Variants in WDR44 observed in about 807,000 individuals in gnomAD.
The protein encoded by WDR44 is WD repeat-containing protein 44.
WDR44 carries 9 observed loss-of-function variants against 65.7 expected under a neutral mutation model. That is an observed-to-expected ratio of 0.14 (90% CI 0.08 to 0.24). The LOEUF (loss-of-function observed/expected upper bound fraction) is 0.24, where lower values mean the gene tolerates loss of function less well. Ranked by LOEUF, WDR44 falls within the 10% of genes least tolerant of loss-of-function variation. The pLI is 1.00. For synonymous variants in WDR44, 220 were observed against 235.2 expected (o/e 0.94, Z 0.59); for missense variants, 425 against 670.9 (o/e 0.63, Z 4.05).
At chrX:118,347,036 G>A (rs1431882488) in intron 1 of WDR44, among the ~76,000 whole-genome samples, 1 of 111,988 alleles carries the variant, frequency 8.9e-6, no homozygotes, top group African/African-American at 3.2e-5. Flanking sequence ...CACTTCAGAG[G>A]TGGCTGTAAC....
chrX:118,363,899 ATAAT>A (rs1240249726), intron 1 of WDR44, among the ~76,000 whole-genome samples: 37 of 112,448 alleles, frequency 3.3e-4, no homozygotes, highest in Middle Eastern at 9.3e-3. Context: ...TACATCTAAA[ATAAT>A]TAAACTCTTT....
chrX:118,441,465 A>G lies in WDR44; in HGVS notation c.2072A>G (p.Gln691Arg). The change falls in exon 15 of 20, where the codon CAG (glutamine) becomes CGG (arginine). Residue 691 changes from glutamine (Q) to arginine (R), a missense_variant. Transcript: ENST00000254029. Reference sequence around the variant, plus strand: ...GCTTTGTGGAATGAAGTAGATGGTCAGACAAAATTGATCACAGCTGCAAAT... The same window carrying G: ...GCTTTGTGGAATGAAGTAGATGGTCGGACAAAATTGATCACAGCTGCAAAT... Reference protein sequence around the residue: ...KVALWNEVDGQTKLITAANFC... With the variant: ...KVALWNEVDGRTKLITAANFC... 1 of 1,211,800 alleles carries G rather than the reference A, an allele frequency of 8.3e-7. No homozygotes were observed. The highest frequency in any genetic ancestry group is 1.1e-6 in the Non-Finnish European group (1 of 895,279).
intron 12 of WDR44, among the ~76,000 whole-genome samples, chrX:118,412,486 G>T (rs946249461): frequency 9.0e-6 from 1 of 111,208 alleles, no homozygotes; most frequent in Non-Finnish European, 1.9e-5. Flanking sequence ...CCATGTAAGA[G>T]GCTATTAACC....
chrX:118,346,363 C>G lies in WDR44; in HGVS notation c.-141C>G, dbSNP rs1485194512. 4 of 523,857 alleles carry G rather than the reference C, an allele frequency of 7.6e-6. No homozygotes were observed. The South Asian group carries it at 1.1e-4, about 15-fold the overall frequency. The allele number at this position is 523,857 out of a possible 1,213,427, so 43.2% of individuals were successfully genotyped here. A position where few individuals can be genotyped will look rare whatever the true frequency, so the allele number is the denominator to read the frequency against. The stretch of plus-strand genomic sequence containing the variant: ...GGCCCCCTTTCCTTAACAGTCTCCT[C>G]GCTACAGATCGTCTGCTCCCTCAGC... On this transcript the variant is annotated 5_prime_UTR_variant, in exon 1 of 20. Transcript: ENST00000254029.
intron 4 of WDR44, 76 bp from the exon 5 acceptor site, chrX:118,393,979 C>A: frequency 1.0e-6 from 1 of 954,928 alleles, no homozygotes; most frequent in Non-Finnish European, 1.5e-6. Context: ...AGTAATCAAG[C>A]CACTTTCCTC....
In WDR44 at chrX:118,357,844, A is replaced by C. The variant is rs776202616; in HGVS notation, c.77+11264A>C. Among the ~76,000 whole-genome samples the C allele has an allele frequency of 1.5e-4, 17 of 110,642 alleles. No homozygotes were observed. In the South Asian group the frequency reaches 1.5e-3, roughly 10 times the overall value. On this transcript the variant is annotated intron_variant, in intron 1 of 19. Transcript: ENST00000254029. ...TAGTGAGCCATAATCACACCACTGC[A>C]TTCCAGCCTGGGCAACAGAGTGAGA...
chrX:118,378,998 C>T, intron 2 of WDR44, among the ~76,000 whole-genome samples: 1 of 108,834 alleles, frequency 9.2e-6, no homozygotes, highest in South Asian at 4.0e-4. Context: ...GAACTGAGAT[C>T]GTGCCACTGC....
At chrX:118,442,830 T>C (rs185701627) in intron 17 of WDR44, 150 bp downstream of exon 17, 1 of 415,521 alleles carries the variant, frequency 2.4e-6, no homozygotes, top group Non-Finnish European at 4.2e-6. Flanking sequence ...CTTGTCCACC[T>C]ATATAGTATA....
Position 118,398,535 on chromosome X carries a change from A to C in WDR44, c.1274+65A>C, listed in dbSNP as rs978558941. 11 of 927,665 alleles carry C rather than the reference A, an allele frequency of 1.2e-5. No homozygotes were observed. In the African/African-American group the frequency reaches 2.2e-4, roughly 18 times the overall value. The allele number at this position is 927,665 out of a possible 1,213,427, so 76.5% of individuals were successfully genotyped here. A position where few individuals can be genotyped will look rare whatever the true frequency, so the allele number is the denominator to read the frequency against. The stretch of plus-strand genomic sequence containing the variant: ...TATTTAAAAAAATATGAGAACTACC[A>C]TACTATTTTAAATCATGCTCCATGT... On this transcript the variant is annotated intron_variant, in intron 8 of 19. Coordinates refer to ENST00000254029, the MANE Select transcript of WDR44 (RefSeq NM_019045.5).
At chrX:118,393,981 A>G (rs2056843633) in intron 4 of WDR44, 74 bp from the exon 5 acceptor site, 2 of 980,990 alleles carry the variant, frequency 2.0e-6, no homozygotes, top group Non-Finnish European at 2.8e-6. Context: ...TAATCAAGCC[A>G]CTTTCCTCAC....
chrX:118,388,540 C>G (rs775719376), intron 3 of WDR44, among the ~76,000 whole-genome samples: 2 of 111,533 alleles, frequency 1.8e-5, no homozygotes, highest in Admixed American at 1.9e-4. Context: ...CTCAGCCTCC[C>G]GAAGTGCTGG....
chrX:118,380,891 G>T (rs1229765630), intron 2 of WDR44, among the ~76,000 whole-genome samples: 1 of 111,838 alleles, frequency 8.9e-6, no homozygotes, highest in African/African-American at 3.3e-5. Context: ...GGAGAGGTTT[G>T]CATAGGTAGA....
At chrX:118,445,995 A>T (rs1227541877) in intron 19 of WDR44, among the ~76,000 whole-genome samples, 5 of 102,253 alleles carry the variant, frequency 4.9e-5, no homozygotes, top group Non-Finnish European at 9.8e-5. Flanking sequence ...ACGCCACTGC[A>T]CTCCAGCCTG....
intron 3 of WDR44, among the ~76,000 whole-genome samples, chrX:118,390,603 C>T (rs923431845): frequency 1.8e-5 from 2 of 111,169 alleles, no homozygotes; most frequent in Non-Finnish European, 3.8e-5. Context: ...GTGGCACAGA[C>T]ATTTCCATTA....
At chrX:118,448,523 C>G (rs1369064426) in intron 19 of WDR44, among the ~76,000 whole-genome samples, 1 of 111,786 alleles carries the variant, frequency 8.9e-6, no homozygotes, top group African/African-American at 3.2e-5. Flanking sequence ...CCCAGCTGAT[C>G]CGATTCTGCC....
chrX:118,434,031 C>T (rs750574329), intron 13 of WDR44, among the ~76,000 whole-genome samples: 2 of 112,136 alleles, frequency 1.8e-5, no homozygotes, highest in South Asian at 7.4e-4. Context: ...CCTATGACTT[C>T]GGAGCATTAC....
chrX:118,406,002 G>A (rs1033574985), intron 9 of WDR44, among the ~76,000 whole-genome samples: 4 of 110,287 alleles, frequency 3.6e-5, no homozygotes, highest in African/African-American at 9.9e-5. Context: ...TTAGCTTTGT[G>A]TAGTGACGTG....
intron 19 of WDR44, among the ~76,000 whole-genome samples, chrX:118,447,463 G>A (rs1311560180): frequency 9.0e-6 from 1 of 111,055 alleles, no homozygotes; most frequent in African/African-American, 3.3e-5. Context: ...CCAAAATGTG[G>A]GATCACAAAA....
intron 12 of WDR44, among the ~76,000 whole-genome samples, chrX:118,425,830 T>G (rs753781204): frequency 8.9e-6 from 1 of 111,945 alleles, no homozygotes; most frequent in Admixed American, 9.5e-5. Flanking sequence ...CCCAGCACTT[T>G]GGGAGGCCGA....
Sources: gnomAD v4.1 joint callset for allele counts (sites outside exome capture counted in the v4.1 genomes callset) on GRCh38, gnomAD v4.1.1 for gene constraint, MANE v1.5 for transcripts, NCBI Gene and HGNC (gene_info 2026-07-23, HGNC 2026-07-21) for gene names.